The following TMEM177 variants were observed in gnomAD, a reference collection of about 807,000 sequenced individuals.
TMEM177 encodes transmembrane protein 177.
In TMEM177, 4 loss-of-function variants were observed where a neutral mutation model predicts 14.2. The ratio of observed to expected loss-of-function variants is 0.28; its 90% CI spans 0.14 to 0.64. The LOEUF is 0.64. Ranked by LOEUF, TMEM177 falls within the 30% of genes least tolerant of loss-of-function variation. TMEM177 has a pLI of 0.82. For synonymous variants in TMEM177, 179 were observed against 174.5 expected (o/e 1.03, Z -0.20); for missense variants, 344 against 405.2 (o/e 0.85, Z 1.30).
intron 1 of TMEM177, chr2:119,679,548 G>C (rs937062320): frequency 1.3e-5 from 2 of 152,036 alleles, no homozygotes; most frequent in African/African-American, 4.8e-5. Flanking sequence ...TAGGCCAAGC[G>C]GTACCCTGCG....
downstream of TMEM177, among the ~76,000 whole-genome samples, chr2:119,688,872 G>C (rs1689056110): frequency 6.6e-6 from 1 of 152,194 alleles, no homozygotes. Context: ...AGCCCCAGCT[G>C]CTGTTTCTCT....
the TMEM177 span, among the ~76,000 whole-genome samples, chr2:119,695,078 A>T: frequency 7.9e-5 from 12 of 152,146 alleles, no homozygotes; most frequent in African/African-American, 2.4e-4. Context: ...AGCCCTTCTG[A>T]AAAACAAACA....
the TMEM177 span, among the ~76,000 whole-genome samples, chr2:119,701,708 C>T: frequency 2.0e-5 from 3 of 152,220 alleles, no homozygotes; most frequent in Non-Finnish European, 2.9e-5. Context: ...CACGCAGAGC[C>T]AGCTGGGCGG....
chr2:119,697,637 C>G, the TMEM177 span, among the ~76,000 whole-genome samples: 1 of 152,170 alleles, frequency 6.6e-6, no homozygotes, highest in Non-Finnish European at 1.5e-5. Flanking sequence ...TGCAGGCCCC[C>G]CTTCCCAGAA....
At chr2:119,701,927 G>C in the TMEM177 span, among the ~76,000 whole-genome samples, 1 of 152,180 alleles carries the variant, frequency 6.6e-6, no homozygotes, top group East Asian at 1.9e-4. Context: ...TCAGATTACC[G>C]GTCTAGTTTC....
the TMEM177 span, among the ~76,000 whole-genome samples, chr2:119,720,357 C>G: frequency 6.6e-6 from 1 of 152,218 alleles, no homozygotes; most frequent in Non-Finnish European, 1.5e-5. Flanking sequence ...TCACCGCAAC[C>G]TCTGCCTCCC....
the TMEM177 span, among the ~76,000 whole-genome samples, chr2:119,721,227 G>A: frequency 3.3e-5 from 5 of 152,182 alleles, no homozygotes; most frequent in Admixed American, 3.3e-4. Context: ...AAGGACAGCT[G>A]GAGATTGAGT....
At chr2:119,719,205 T>G in the TMEM177 span, among the ~76,000 whole-genome samples, 2 of 152,174 alleles carry the variant, frequency 1.3e-5, no homozygotes, top group Non-Finnish European at 2.9e-5. Flanking sequence ...TTCCAATCAC[T>G]ACCCTCATCC....
At chr2:119,717,730 T>G in the TMEM177 span, among the ~76,000 whole-genome samples, 1 of 149,024 alleles carries the variant, frequency 6.7e-6, no homozygotes, top group African/African-American at 2.5e-5. Context: ...TGCCTCAGCC[T>G]CCCGAGTAGC....
At chr2:119,680,745 T>C in intron 1 of TMEM177, 87 bp from the exon 2 acceptor site, 1 of 1,068,176 alleles carries the variant, frequency 9.4e-7, no homozygotes, top group Non-Finnish European at 1.3e-6. Context: ...GTTACTTTGG[T>C]TTAAAAAGGT....
intron 1 of TMEM177, among the ~76,000 whole-genome samples, chr2:119,679,832 A>G (rs142262192): frequency 3.9e-3 from 590 of 152,348 alleles, no homozygotes; most frequent in African/African-American, 0.014. Flanking sequence ...TGGCATAACA[A>G]GTTTTCTAAA....
chr2:119,705,643 T>TGTGTGTGC, the TMEM177 span, among the ~76,000 whole-genome samples: 25 of 151,636 alleles, frequency 1.6e-4, no homozygotes, highest in Non-Finnish European at 3.2e-4. Flanking sequence ...TGTGTGTGTG[T>TGTGTGTGC]GTGTGTGTGT....
At chr2:119,695,810 T>C in the TMEM177 span, among the ~76,000 whole-genome samples, 1 of 152,244 alleles carries the variant, frequency 6.6e-6, no homozygotes, top group Admixed American at 6.5e-5. Flanking sequence ...ACAGAGTTGA[T>C]GTGGTGTATA....
chr2:119,715,737 C>T, the TMEM177 span, among the ~76,000 whole-genome samples: 2 of 152,252 alleles, frequency 1.3e-5, no homozygotes, highest in African/African-American at 4.8e-5. Flanking sequence ...GTCCTGGCAG[C>T]AATCAGCTTC....
At chr2:119,696,292 TA>T in the TMEM177 span, among the ~76,000 whole-genome samples, 1 of 151,880 alleles carries the variant, frequency 6.6e-6, no homozygotes, top group African/African-American at 2.4e-5. Flanking sequence ...TTGAGGTCAT[TA>T]TTGAGGGTAC....
At chr2:119,712,626 C>T in the TMEM177 span, among the ~76,000 whole-genome samples, 2 of 152,198 alleles carry the variant, frequency 1.3e-5, no homozygotes, top group African/African-American at 4.8e-5. Context: ...CCTTGACCTT[C>T]GACTTCCAAC....
downstream of TMEM177, among the ~76,000 whole-genome samples, chr2:119,691,228 G>T (rs1049799110): frequency 4.6e-5 from 7 of 152,172 alleles, no homozygotes; most frequent in African/African-American, 1.7e-4. Context: ...ACTGCTGTGG[G>T]CACGTTCCTG....
the TMEM177 span, among the ~76,000 whole-genome samples, chr2:119,720,719 T>G: frequency 1.3e-5 from 2 of 152,236 alleles, no homozygotes; most frequent in East Asian, 3.8e-4. Context: ...TCTGGAACTA[T>G]TTTACCTCCA....
At chr2:119,709,150 C>T in the TMEM177 span, among the ~76,000 whole-genome samples, 3 of 152,170 alleles carry the variant, frequency 2.0e-5, no homozygotes, top group Non-Finnish European at 2.9e-5. Context: ...CTGTACCATG[C>T]GCGTCTCTTT....
Sources: gnomAD v4.1 joint callset for allele counts (sites outside exome capture counted in the v4.1 genomes callset) on GRCh38, gnomAD v4.1.1 for gene constraint, MANE v1.5 for transcripts, NCBI Gene and HGNC (gene_info 2026-07-23, HGNC 2026-07-21) for gene names.